MAF: variants seen among roughly 807,000 people sequenced by gnomAD.
The protein encoded by MAF is MAF bZIP transcription factor.
A neutral mutation model predicts 22.0 loss-of-function variants in MAF; 10 were observed. The ratio of observed to expected loss-of-function variants is 0.45; its 90% confidence interval spans 0.28 to 0.77. MAF has a LOEUF of 0.77. Among genes scored for constraint, MAF ranks in the 30% least tolerant of loss-of-function variants. The probability of loss-of-function intolerance (pLI) is 0.12; values close to 1 mark genes in which losing one functional copy is unlikely to be tolerated. For synonymous variants in MAF, 337 were observed against 255.8 expected, an observed-to-expected ratio of 1.32 and a Z score of -3.03; for missense variants, 544 against 548.4, an observed-to-expected ratio of 0.99 and a Z score of 0.08.
the MAF span, among the ~76,000 whole-genome samples, chr16:79,444,222 C>A: frequency 1.3e-5 from 2 of 151,900 alleles, no homozygotes; most frequent in African/African-American, 4.8e-5. Context: ...AAATACAGCC[C>A]TATAGGAAAA....
At chr16:79,510,772 T>G in the MAF span, among the ~76,000 whole-genome samples, 1 of 152,172 alleles carries the variant, frequency 6.6e-6, no homozygotes, top group Non-Finnish European at 1.5e-5. Context: ...GCTCCACATT[T>G]TCATTTTGTG....
At chr16:79,576,218 A>G in the MAF span, among the ~76,000 whole-genome samples, 1 of 140,956 alleles carries the variant, frequency 7.1e-6, no homozygotes, top group Non-Finnish European at 1.5e-5. Flanking sequence ...TTAATAAAAG[A>G]GTCCTGTGGT....
the MAF span, among the ~76,000 whole-genome samples, chr16:79,425,590 G>A: frequency 6.6e-6 from 1 of 151,812 alleles, no homozygotes; most frequent in Non-Finnish European, 1.5e-5. Context: ...AATGGATTAG[G>A]TATTTGCCAT....
chr16:79,389,518 T>C, the MAF span, among the ~76,000 whole-genome samples: 2 of 152,152 alleles, frequency 1.3e-5, no homozygotes, highest in Admixed American at 6.6e-5. Context: ...TGCCTCTGCC[T>C]CCCAAAGTTT....
the MAF span, among the ~76,000 whole-genome samples, chr16:79,395,611 G>A: frequency 1.1e-4 from 16 of 152,106 alleles, no homozygotes; most frequent in Admixed American, 3.3e-4. Flanking sequence ...AAGGAATGCC[G>A]GAGCTTGCCA....
chr16:79,389,746 G>A, the MAF span, among the ~76,000 whole-genome samples: 16 of 151,846 alleles, frequency 1.1e-4, no homozygotes, highest in African/African-American at 3.6e-4. Context: ...GGAGCCCGAC[G>A]CGGGCGGATC....
the MAF span, among the ~76,000 whole-genome samples, chr16:79,385,950 C>G: frequency 2.0e-5 from 3 of 152,180 alleles, no homozygotes; most frequent in South Asian, 2.1e-4. Context: ...AACTTCATAG[C>G]TGTTTCCTGA....
At chr16:79,549,007 C>T in the MAF span, among the ~76,000 whole-genome samples, 20 of 152,268 alleles carry the variant, frequency 1.3e-4, no homozygotes, top group East Asian at 3.9e-3. Flanking sequence ...GACATCGTTA[C>T]TCTCCCCCTT....
the MAF span, among the ~76,000 whole-genome samples, chr16:79,429,871 G>A: frequency 7.9e-5 from 12 of 152,188 alleles, no homozygotes; most frequent in African/African-American, 2.9e-4. Flanking sequence ...CCCAGGAAAG[G>A]TGTCACCATA....
At chr16:79,301,749 CAT>C in the MAF span, among the ~76,000 whole-genome samples, 1 of 152,296 alleles carries the variant, frequency 6.6e-6, no homozygotes, top group Non-Finnish European at 1.5e-5. Flanking sequence ...TACACACACA[CAT>C]ATGTAGCCAT....
At chr16:79,212,276 C>T in the MAF span, 2 of 1,192,998 alleles carry the variant, frequency 1.7e-6, no homozygotes, top group African/African-American at 1.5e-5. Flanking sequence ...TCATCCTGAC[C>T]AAGACTGAGC....
At chr16:79,535,982 A>T in the MAF span, among the ~76,000 whole-genome samples, 2 of 152,194 alleles carry the variant, frequency 1.3e-5, no homozygotes, top group Non-Finnish European at 2.9e-5. Flanking sequence ...CTTTTCTCCC[A>T]CAGTTGGCAG....
chr16:79,376,338 G>A, the MAF span, among the ~76,000 whole-genome samples: 1 of 151,900 alleles, frequency 6.6e-6, no homozygotes, highest in East Asian at 1.9e-4. Flanking sequence ...AATCTTCTCT[G>A]CTTTTGCCTT....
At chr16:79,564,911 C>T in the MAF span, among the ~76,000 whole-genome samples, 101 of 152,310 alleles carry the variant, frequency 6.6e-4, no homozygotes, top group East Asian at 0.017. Flanking sequence ...TAAAGGGCTG[C>T]ACACTCTCTG....
At chr16:79,241,672 A>G in the MAF span, among the ~76,000 whole-genome samples, 1 of 152,078 alleles carries the variant, frequency 6.6e-6, no homozygotes, top group South Asian at 2.1e-4. Context: ...GCCAACATTC[A>G]AATTCAGGAA....
At chr16:79,343,962 A>G in the MAF span, among the ~76,000 whole-genome samples, 68 of 152,206 alleles carry the variant, frequency 4.5e-4, no homozygotes, top group Admixed American at 9.2e-4. Flanking sequence ...TCCTCTGAAA[A>G]CTTTGAAATG....
At chr16:79,482,590 G>C in the MAF span, among the ~76,000 whole-genome samples, 1 of 152,116 alleles carries the variant, frequency 6.6e-6, no homozygotes, top group Non-Finnish European at 1.5e-5. Context: ...ATCACCACCT[G>C]CTCCTTCCCA....
chr16:79,321,685 C>G, the MAF span, among the ~76,000 whole-genome samples: 1 of 121,618 alleles, frequency 8.2e-6, no homozygotes, highest in East Asian at 2.5e-4. Context: ...GAGTCTCGCT[C>G]TGTCACCCAG....
chr16:79,377,269 G>T, the MAF span, among the ~76,000 whole-genome samples: 2 of 152,182 alleles, frequency 1.3e-5, no homozygotes, highest in Admixed American at 6.5e-5. Flanking sequence ...TTTCTCTGAT[G>T]GCCAGTGATG....
Sources: gnomAD v4.1 joint callset for allele counts (sites outside exome capture counted in the v4.1 genomes callset) on GRCh38, gnomAD v4.1.1 for gene constraint, MANE v1.5 for transcripts, NCBI Gene and HGNC (gene_info 2026-07-23, HGNC 2026-07-21) for gene names.